The following FGF10 variants were observed in gnomAD, a reference collection of about 807,000 sequenced individuals.
FGF10 encodes the protein FGF-10.
Under a neutral mutation model 19.8 loss-of-function variants are expected in FGF10, and 2 were observed. That is an observed-to-expected ratio of 0.10 (90% CI 0.04 to 0.32). FGF10 has a LOEUF of 0.32. FGF10 is among the 10% of genes least tolerant of loss of function. The probability of loss-of-function intolerance (pLI) is 1.00; values close to 1 mark genes in which losing one functional copy is unlikely to be tolerated. For missense variants in FGF10, 191 were observed against 246.3 expected (o/e 0.78, Z 1.50); for synonymous variants, 112 against 94.0 (o/e 1.19, Z -1.10).
intron 1 of FGF10, among the ~76,000 whole-genome samples, chr5:44,359,139 T>C (rs942975893): frequency 1.3e-5 from 2 of 151,512 alleles, no homozygotes; most frequent in Admixed American, 1.3e-4. Context: ...TATCATCTTG[T>C]ACTTCTTTTG....
rs1295077982 is a variant in FGF10, at chr5:44,301,837, A to C, written c.*3158T>G. On this transcript the variant is annotated 3_prime_UTR_variant, in exon 3 of 3. Coordinates refer to ENST00000264664, the MANE Select transcript of FGF10 (RefSeq NM_004465.2). ...CCAGGTAGAGTTTCTGACTAATAAA[A>C]CAAACAAGGACAATATTTTAATTTT... 1.3e-5 allele frequency among the ~76,000 whole-genome samples: 2 copies of C among 152,044 alleles called. No individual in the cohort carries two copies. Among genetic ancestry groups the C allele is most frequent in the Admixed American group, 6.6e-5 (1 of 15,264 alleles).
intron 1 of FGF10, among the ~76,000 whole-genome samples, chr5:44,323,001 A>G (rs1740533586): frequency 6.6e-6 from 1 of 152,136 alleles, no homozygotes; most frequent in Admixed American, 6.6e-5. Flanking sequence ...GAACACTGCT[A>G]TAACTTATAA....
chr5:44,353,027 T>C (rs1342007110), intron 1 of FGF10, among the ~76,000 whole-genome samples: 1 of 151,666 alleles, frequency 6.6e-6, no homozygotes, highest in Middle Eastern at 3.2e-3. Flanking sequence ...ATGCCATCTG[T>C]AGGTGCAATG....
intron 1 of FGF10, among the ~76,000 whole-genome samples, chr5:44,362,280 C>G (rs1741506613): frequency 6.6e-6 from 1 of 151,684 alleles, no homozygotes; most frequent in Non-Finnish European, 1.5e-5. Context: ...GTCCATATAT[C>G]TTTTATCCTT....
Position 44,304,921 on chromosome 5 carries a change from T to A in FGF10, c.*74A>T. 3 of 1,434,114 alleles carry A rather than the reference T, an allele frequency of 2.1e-6. No individual in the cohort carries two copies. Among genetic ancestry groups the A allele is most frequent in the Non-Finnish European group, 3.0e-6 (3 of 1,016,872 alleles). The allele number at this position is 1,434,114 out of a possible 1,614,324, so 88.8% of individuals were successfully genotyped here. ...CGTGTCTTTGCCTTTCAATCTACTG[T>A]CTTCATGAAGAATATCCACTATTCT... On this transcript the variant is annotated 3_prime_UTR_variant, in exon 3 of 3. Coordinates refer to ENST00000264664, the MANE Select transcript of FGF10 (RefSeq NM_004465.2).
chr5:44,333,274 G>A (rs757613161), intron 1 of FGF10, among the ~76,000 whole-genome samples: 1 of 152,072 alleles, frequency 6.6e-6, no homozygotes, highest in Non-Finnish European at 1.5e-5. Flanking sequence ...ATAGCTAGAT[G>A]CACTTAACTC....
intron 1 of FGF10, among the ~76,000 whole-genome samples, chr5:44,382,696 C>G (rs541038544): frequency 1.3e-5 from 2 of 152,112 alleles, no homozygotes; most frequent in East Asian, 3.9e-4. Context: ...GATTTAAATC[C>G]TTCTGCATAA....
intron 1 of FGF10, among the ~76,000 whole-genome samples, chr5:44,349,457 T>TATATATCAGA (rs1741182054): frequency 3.4e-5 from 1 of 29,778 alleles, no homozygotes; most frequent in African/African-American, 1.3e-4. Flanking sequence ...TATATATATA[T>TATATATCAGA]ATATATATAT....
At chr5:44,315,372 C>T (rs187701359) in intron 1 of FGF10, among the ~76,000 whole-genome samples, 51 of 152,124 alleles carry the variant, frequency 3.4e-4, no homozygotes, top group African/African-American at 1.1e-3. Context: ...AGAGAAAGTG[C>T]ATGCATAAAA....
chr5:44,312,098 T>C (rs2111694260), intron 1 of FGF10, among the ~76,000 whole-genome samples: 1 of 152,042 alleles, frequency 6.6e-6, no homozygotes, highest in East Asian at 1.9e-4. Context: ...CTCACTCTAT[T>C]TGCAAGCCAA....
intron 2 of FGF10, among the ~76,000 whole-genome samples, chr5:44,308,945 C>A (rs768884709): frequency 6.6e-6 from 1 of 152,028 alleles, no homozygotes; most frequent in Non-Finnish European, 1.5e-5. Context: ...TTTAATAAGC[C>A]CTTCCACTGA....
At chr5:44,316,556 G>A (rs1422170967) in intron 1 of FGF10, among the ~76,000 whole-genome samples, 1 of 152,028 alleles carries the variant, frequency 6.6e-6, no homozygotes, top group African/African-American at 2.4e-5. Context: ...CTTTTCCAAG[G>A]ACCACACACT....
At chr5:44,353,540 T>C (rs774933858) in intron 1 of FGF10, among the ~76,000 whole-genome samples, 8 of 151,610 alleles carry the variant, frequency 5.3e-5, no homozygotes, top group Non-Finnish European at 8.9e-5. Flanking sequence ...TTGGTAATTA[T>C]GTAGAAATAA....
chr5:44,319,689 T>C (rs1161875908), intron 1 of FGF10, among the ~76,000 whole-genome samples: 1 of 152,234 alleles, frequency 6.6e-6, no homozygotes, highest in East Asian at 1.9e-4. Context: ...ACTTAGTGGG[T>C]AATCATAATA....
chr5:44,340,502 T>C (rs1740944978), intron 1 of FGF10, among the ~76,000 whole-genome samples: 1 of 152,048 alleles, frequency 6.6e-6, no homozygotes, highest in South Asian at 2.1e-4. Context: ...TGAAAAGAAG[T>C]GTTTAATAAT....
At chr5:44,318,684 T>C (rs1210566290) in intron 1 of FGF10, among the ~76,000 whole-genome samples, 1 of 152,166 alleles carries the variant, frequency 6.6e-6, no homozygotes, top group Non-Finnish European at 1.5e-5. Context: ...AAAATAATGT[T>C]AGAAACATGT....
intron 1 of FGF10, among the ~76,000 whole-genome samples, chr5:44,359,998 A>G (rs996151035): frequency 6.6e-6 from 1 of 151,508 alleles, no homozygotes; most frequent in African/African-American, 2.4e-5. Flanking sequence ...TGGAATACCT[A>G]TATCCTTTTA....
In FGF10 at chr5:44,388,688, T is replaced by C. The variant is rs369132289; in HGVS notation, c.-6A>G. The stretch of plus-strand genomic sequence containing the variant: ...GTCAGTATCCATTTCCACATTGTAC[T>C]GAAACTCTCGGCACTGGAAATTGTC... On this transcript the variant is annotated 5_prime_UTR_variant, in exon 1 of 3. Transcript: ENST00000264664. The C allele has an allele frequency of 6.2e-7, 1 of 1,613,818 alleles. No homozygotes were observed. The highest frequency in any genetic ancestry group is 8.5e-7 in the Non-Finnish European group (1 of 1,179,824).
intron 1 of FGF10, among the ~76,000 whole-genome samples, chr5:44,326,672 G>A (rs573773103): frequency 1.2e-4 from 18 of 151,852 alleles, no homozygotes; most frequent in African/African-American, 4.3e-4. Flanking sequence ...GCCTCCCAAA[G>A]TGTTGAGACC....
Sources: allele counts gnomAD v4.1 joint callset (sites outside exome capture counted in the v4.1 genomes callset), GRCh38; gene constraint gnomAD v4.1.1; transcripts MANE v1.5; gene names NCBI Gene and HGNC (gene_info 2026-07-23, HGNC 2026-07-21).